Variants in HTRA2 observed in about 807,000 individuals in gnomAD.
HTRA2 encodes serine protease HTRA2, mitochondrial.
In HTRA2, 24 loss-of-function variants were observed where a neutral mutation model predicts 42.2. The ratio of observed to expected loss-of-function variants is 0.57; its 90% CI spans 0.41 to 0.80. The LOEUF is 0.80. Ranked by LOEUF, HTRA2 falls within the 30% of genes least tolerant of loss-of-function variation. HTRA2 has a pLI of 0.00. For missense variants in HTRA2, 466 were observed against 613.5 expected, an observed-to-expected ratio of 0.76 and a Z score of 2.54; for synonymous variants, 245 against 255.8, an observed-to-expected ratio of 0.96 and a Z score of 0.40.
At position 74,530,889 on chromosome 2, in the gene HTRA2, T is replaced by C; in HGVS notation, c.712-22T>C. The C allele has an allele frequency of 6.2e-7, 1 of 1,614,184 alleles. No individual in the cohort carries two copies. Among genetic ancestry groups the C allele is most frequent in the South Asian group, 1.1e-5 (1 of 91,090 alleles). ...TGCTCGCATCTTCAGATGACAGGTCTCTTTTACCCATTCTCCCTTAGGAGC... is the reference window on the plus strand; with the variant it reads ...TGCTCGCATCTTCAGATGACAGGTCCCTTTTACCCATTCTCCCTTAGGAGC... On this transcript the variant is annotated intron_variant, in intron 2 of 7. Coordinates refer to ENST00000258080, the MANE Select transcript of HTRA2 (RefSeq NM_013247.5). The surrounding 1 kb of genome is among the most constrained non-coding windows in gnomAD (Gnocchi z 7.4).
chr2:74,533,310 G>A lies in HTRA2; in HGVS notation c.*325G>A, dbSNP rs1427573383. 1 of 530,868 alleles carries A rather than the reference G, an allele frequency of 1.9e-6. No individual in the cohort carries two copies. Among genetic ancestry groups the A allele is most frequent in the Non-Finnish European group, 3.3e-6 (1 of 298,664 alleles). 32.9% of individuals were successfully genotyped at this position (530,868 alleles called of 1,614,324 possible). A position where few individuals can be genotyped will look rare whatever the true frequency, so the allele number is the denominator to read the frequency against. On this transcript the variant is annotated 3_prime_UTR_variant, in exon 8 of 8. Transcript: ENST00000258080. ...CCTGACCTCCTATTAAAGAAAATGA[G>A]CTGCTGCCATCTTTTGTGGGCAGTT...
upstream of HTRA2, chr2:74,529,665 G>T (rs370201263): frequency 1.3e-6 from 2 of 1,544,654 alleles, no homozygotes; most frequent in Non-Finnish European, 1.7e-6. Context: ...CGTCGCCGCC[G>T]CCGCCATTTT....
chr2:74,530,089 G>T lies in HTRA2; in HGVS notation c.83G>T (p.Arg28Ile). 6.3e-7 allele frequency: 1 copy of T among 1,597,518 alleles called. No homozygotes were observed. Residue 28 changes from arginine to isoleucine, a missense_variant, in exon 1 of 8, where the codon AGA becomes ATA. This residue lies in a region of HTRA2 where 222 missense variants were observed against 205.1 expected (regional missense o/e 1.08). Transcript: ENST00000258080. This position sits in a 1 kb window ranked among gnomAD's most constrained non-coding sequence, Gnocchi z 7.4. The part of the protein sequence containing the change: ...RALGGIRWGR[R>I]PRLTPDLRAL... ...TTGGGGGGCATTCGCTGGGGGAGGA[G>T]ACCCCGTTTGACCCCTGACCTCCGG... is the stretch of plus-strand genomic sequence containing the variant.
chr2:74,532,150 C>G (rs866776016), intron 6 of HTRA2, among the ~76,000 whole-genome samples: 1 of 152,098 alleles, frequency 6.6e-6, no homozygotes, highest in Non-Finnish European at 1.5e-5. Flanking sequence ...TGATTTCAAG[C>G]CTTCAATCCA....
rs1374857532 is a variant in HTRA2 at position 74,533,052 on chromosome 2, G to A, written c.*67G>A. 6.6e-7 allele frequency: 1 copy of A among 1,519,922 alleles called. No homozygotes were observed. The highest frequency in any genetic ancestry group is 1.4e-5 in the African/African-American group (1 of 72,974). 94.2% of individuals were successfully genotyped at this position (1,519,922 alleles called of 1,614,324 possible). ...CTTGCCTTTCTGGCTGAGGTTCTGA[G>A]GGCACCGAGACAGAGGGTTAAATGA... On this transcript the variant is annotated 3_prime_UTR_variant, in exon 8 of 8. Transcript: ENST00000258080.
Position 74,531,894 on chromosome 2 carries a change from A to C in HTRA2, c.1084A>C (p.Ile362Leu). 14 of 1,614,092 alleles carry C rather than the reference A, an allele frequency of 8.7e-6. No individual in the cohort carries two copies. Among genetic ancestry groups the C allele is most frequent in the Non-Finnish European group, 1.2e-5 (14 of 1,180,022 alleles). The change falls in exon 6 of 8, where the codon ATT (isoleucine) becomes CTT (leucine). Residue 362 changes from isoleucine (I) to leucine (L), a missense_variant. This residue lies in a region of HTRA2 where 129 missense variants were observed against 163.1 expected (regional missense o/e 0.79). Coordinates refer to ENST00000258080, the MANE Select transcript of HTRA2 (RefSeq NM_013247.5). The part of the protein sequence containing the change: ...SGISGSQRRY[I>L]GVMMLTLSPS... ...AATCAGTGGGTCCCAGCGGCGCTAC[A>C]TTGGGGTGATGATGCTGACCCTGAG...
chr2:74,530,035 C>T lies in HTRA2; in HGVS notation c.29C>T (p.Ala10Val). ...GCTGCGCCGAGGGCGGGGCGGGGTG[C>T]AGGCTGGAGCCTTCGGGCATGGCGG... MAAPRAGRG[A>V]GWSLRAWRAL... Residue 10 changes from alanine to valine, a missense_variant, in exon 1 of 8, where the codon GCA (alanine) becomes GTA (valine). Coordinates refer to ENST00000258080, the MANE Select transcript of HTRA2 (RefSeq NM_013247.5). This position sits in a 1 kb window ranked among gnomAD's most constrained non-coding sequence, Gnocchi z 7.4. The T allele has an allele frequency of 1.0e-5, 16 of 1,561,084 alleles. No homozygotes were observed. Among genetic ancestry groups the T allele is most frequent in the Non-Finnish European group, 1.4e-5 (16 of 1,147,700 alleles).
rs751751982 is a variant in HTRA2 at position 74,530,579 on chromosome 2, C to G, written c.507-38C>G. 4.3e-6 allele frequency: 7 copies of G among 1,613,644 alleles called. No homozygotes were observed. In the South Asian group the frequency reaches 6.6e-5, roughly 15 times the overall value. Reference sequence around the variant, plus strand: ...TGGAGGGCGGGCGGGTAGGAGGGGTCAGAGCCTCCTCTTATCTGTGCTTTC... The same window carrying G: ...TGGAGGGCGGGCGGGTAGGAGGGGTGAGAGCCTCCTCTTATCTGTGCTTTC... On this transcript the variant is annotated intron_variant, in intron 1 of 7. Coordinates refer to ENST00000258080, the MANE Select transcript of HTRA2 (RefSeq NM_013247.5). This position sits in a 1 kb window ranked among gnomAD's most constrained non-coding sequence, Gnocchi z 7.4.
At position 74,529,998 on chromosome 2, in the gene HTRA2, G is replaced by A. The variant is rs2104365033; in HGVS notation, c.-9G>A. The A allele has an allele frequency of 2.6e-6, 4 of 1,525,556 alleles. No individual in the cohort carries two copies. The highest frequency in any genetic ancestry group is 2.6e-6 in the Non-Finnish European group (3 of 1,134,804). The allele number at this position is 1,525,556 out of a possible 1,614,324, so 94.5% of individuals were successfully genotyped here. ...TAGGGCGGGCGAGGAGGCAGCCAAGGCGGAGCTGATGGCTGCGCCGAGGGC... is the reference window on the plus strand; with the variant it reads ...TAGGGCGGGCGAGGAGGCAGCCAAGACGGAGCTGATGGCTGCGCCGAGGGC... On this transcript the variant is annotated 5_prime_UTR_variant, in exon 1 of 8. Coordinates refer to ENST00000258080, the MANE Select transcript of HTRA2 (RefSeq NM_013247.5).
upstream of HTRA2, chr2:74,529,649 C>G (rs1331271509): frequency 1.3e-6 from 2 of 1,550,886 alleles, no homozygotes; most frequent in Admixed American, 3.9e-5. Flanking sequence ...TTCAGGAGCG[C>G]CCGGCCGTCG....
upstream of HTRA2, chr2:74,529,857 G>T (rs1451325571): frequency 6.3e-6 from 9 of 1,419,980 alleles, no homozygotes; most frequent in Admixed American, 2.6e-4. Context: ...CGTGGGGCAG[G>T]GAGGAGTCGG....
rs747469540 is a variant in HTRA2, at chr2:74,530,305, G to A, written c.299G>A (p.Gly100Glu). ...TRTREASENS[G>E]TRSRAWLAVA... ...ACCCGGGAGGCCTCAGAGAACTCTG[G>A]AACCCGTTCGCGCGCGTGGCTGGCG... is the stretch of plus-strand genomic sequence containing the variant. Residue 100 changes from glycine to glutamate, a missense_variant, in exon 1 of 8, where the codon GGA becomes GAA. Physicochemically the swap from Gly to Glu is moderately conservative, Grantham distance 98. Coordinates refer to ENST00000258080, the MANE Select transcript of HTRA2 (RefSeq NM_013247.5). This position sits in a 1 kb window ranked among gnomAD's most constrained non-coding sequence, Gnocchi z 7.4. The A allele has an allele frequency of 2.5e-6, 4 of 1,600,638 alleles. No homozygotes were observed. In the South Asian group the frequency reaches 3.3e-5, roughly 13 times the overall value.
At position 74,530,319 on chromosome 2, in the gene HTRA2, G is replaced by T. The variant is rs544324453; in HGVS notation, c.313G>T (p.Ala105Ser). Residue 105 changes from alanine to serine, a missense_variant, in exon 1 of 8, where the codon GCG (alanine) becomes TCG (serine). Transcript: ENST00000258080. The surrounding 1 kb of genome is among the most constrained non-coding windows in gnomAD (Gnocchi z 7.4). ...ASENSGTRSRAWLAVALGAGG... is the reference protein window; with the variant it reads ...ASENSGTRSRSWLAVALGAGG... Reference sequence around the variant, plus strand: ...AGAGAACTCTGGAACCCGTTCGCGCGCGTGGCTGGCGGTGGCGCTGGGCGC... The same window carrying T: ...AGAGAACTCTGGAACCCGTTCGCGCTCGTGGCTGGCGGTGGCGCTGGGCGC... 1.3e-6 allele frequency: 2 copies of T among 1,596,376 alleles called. No homozygotes were observed. Among genetic ancestry groups the T allele is most frequent in the South Asian group, 1.1e-5 (1 of 89,908 alleles).
chr2:74,532,648 C>T lies in HTRA2; in HGVS notation c.1145C>T (p.Pro382Leu). 1 of 1,613,640 alleles carries T rather than the reference C, an allele frequency of 6.2e-7. No individual in the cohort carries two copies. The highest frequency in any genetic ancestry group is 8.5e-7 in the Non-Finnish European group (1 of 1,180,022). The part of the protein sequence containing the change: ...SILAELQLRE[P>L]SFPDVQHGVL... Reference sequence around the variant, plus strand: ...CTTGCTGAACTACAGCTTCGAGAACCAAGCTTTCCCGATGTTCAGCATGGT... The same window carrying T: ...CTTGCTGAACTACAGCTTCGAGAACTAAGCTTTCCCGATGTTCAGCATGGT... The change falls in exon 7 of 8, where the codon CCA (proline) becomes CTA (leucine). Residue 382 changes from proline to leucine, a missense_variant. Pro to Leu is a moderately conservative substitution (Grantham distance 98, BLOSUM62 -3). Transcript: ENST00000258080.
upstream of HTRA2, chr2:74,529,564 C>T (rs933792612): frequency 1.9e-6 from 3 of 1,556,650 alleles, no homozygotes; most frequent in African/African-American, 1.4e-5. Context: ...CGGTCTCTTC[C>T]CGCCGGGTCT....
In HTRA2 at chr2:74,532,670, T is replaced by C. The variant is rs768793485; in HGVS notation, c.1167T>C (p.His389=). 1 of 1,613,710 alleles carries C rather than the reference T, an allele frequency of 6.2e-7. No individual in the cohort carries two copies. Among genetic ancestry groups the C allele is most frequent in the African/African-American group, 1.3e-5 (1 of 74,896 alleles). The change falls in exon 7 of 8, where the codon CAT becomes CAC. Residue 389 remains histidine (H), a synonymous_variant. Transcript: ENST00000258080. ...LREPSFPDVQ[H]GVLIHKVILG... ...AACCAAGCTTTCCCGATGTTCAGCATGGTGTACTCATCCATAAAGTCATCC... is the reference window on the plus strand; with the variant it reads ...AACCAAGCTTTCCCGATGTTCAGCACGGTGTACTCATCCATAAAGTCATCC...
Position 74,530,606 on chromosome 2 carries a change from C to T in HTRA2, c.507-11C>T. The T allele has an allele frequency of 6.2e-7, 1 of 1,614,046 alleles. No individual in the cohort carries two copies. Among genetic ancestry groups the T allele is most frequent in the Non-Finnish European group, 8.5e-7 (1 of 1,180,044 alleles). On this transcript the variant is annotated splice_polypyrimidine_tract_variant and intron_variant, in intron 1 of 7. Coordinates refer to ENST00000258080, the MANE Select transcript of HTRA2 (RefSeq NM_013247.5). The surrounding 1 kb of genome is among the most constrained non-coding windows in gnomAD (Gnocchi z 7.4). The stretch of plus-strand genomic sequence containing the variant: ...GAGCCTCCTCTTATCTGTGCTTTCC[C>T]TCCATTTCAGGCACCCTTTCTTGGG...
rs199735424 is a variant in HTRA2, at chr2:74,530,360, G to A, written c.354G>A (p.Leu118=). Residue 118 remains leucine, a synonymous_variant, in exon 1 of 8, where the codon CTG becomes CTA. Transcript: ENST00000258080. The surrounding 1 kb of genome is among the most constrained non-coding windows in gnomAD (Gnocchi z 7.4). ...AVALGAGGAV[L]LLLWGGGRGP... ...CGCTGGGCGCTGGGGGGGCAGTGCT[G>A]TTGTTGTTGTGGGGCGGGGGTCGGG... 1.3e-3 allele frequency: 2,044 copies of A among 1,592,384 alleles called. 4 individuals carry two copies. Among genetic ancestry groups the A allele is most frequent in the Admixed American group, 1.8e-3 (101 of 57,572 alleles).
chr2:74,533,152 A>G lies in HTRA2; in HGVS notation c.*167A>G, dbSNP rs780729694. The G allele has an allele frequency of 2.7e-5, 17 of 627,196 alleles. No homozygotes were observed. The highest frequency in any genetic ancestry group is 4.7e-5 in the Non-Finnish European group (17 of 359,104). 38.9% of individuals were successfully genotyped at this position (627,196 alleles called of 1,614,324 possible). The stretch of plus-strand genomic sequence containing the variant: ...GAAGAATCACAGAAACACTTTTTAT[A>G]TAAAATAAAATTATACCTAGCAACA... On this transcript the variant is annotated 3_prime_UTR_variant, in exon 8 of 8. Transcript: ENST00000258080.
Sources: gnomAD v4.1 joint callset for allele counts (sites outside exome capture counted in the v4.1 genomes callset) on GRCh38, gnomAD v4.1.1 for gene constraint, gnomAD v4.1.1 regional missense constraint, Gnocchi (gnomAD v3.1) non-coding constraint, MANE v1.5 for transcripts, NCBI Gene and HGNC (gene_info 2026-07-23, HGNC 2026-07-21) for gene names.